The following KCNMA1 variants were observed in gnomAD, a reference collection of about 807,000 sequenced individuals.
The protein encoded by KCNMA1 is Calcium-activated potassium channel subunit alpha-1.
KCNMA1 carries 29 observed loss-of-function variants against 140.0 expected under a neutral mutation model. The observed-to-expected ratio is 0.21, with a 90% CI of 0.15 to 0.28. The LOEUF is 0.28. KCNMA1 is among the 10% of genes least tolerant of loss of function. KCNMA1 has a pLI of 1.00. For missense variants in KCNMA1, 880 were observed against 1,602.2 expected (o/e 0.55, Z 7.70); for synonymous variants, 612 against 611.9 (o/e 1.00, Z 0.00).
At chr10:77,265,074 C>A (rs1235689192) in intron 2 of KCNMA1, among the ~76,000 whole-genome samples, 2 of 151,000 alleles carry the variant, frequency 1.3e-5, no homozygotes, top group African/African-American at 4.9e-5. Flanking sequence ...TTTCCTGAGA[C>A]AGGGTTTCAC....
chr10:77,563,697 C>T (rs1227731733), intron 1 of KCNMA1, among the ~76,000 whole-genome samples: 4 of 152,198 alleles, frequency 2.6e-5, no homozygotes, highest in Non-Finnish European at 4.4e-5. Context: ...AACGAACCTC[C>T]GGAATTCTAG....
At chr10:76,925,733 T>TG (rs1264982424) in intron 23 of KCNMA1, among the ~76,000 whole-genome samples, 2 of 152,192 alleles carry the variant, frequency 1.3e-5, no homozygotes, top group Non-Finnish European at 2.9e-5. Context: ...AAATGCCAAA[T>TG]GGGCCCCAGT....
intron 1 of KCNMA1, among the ~76,000 whole-genome samples, chr10:77,478,642 G>A (rs1425659086): frequency 6.6e-6 from 1 of 152,182 alleles, no homozygotes; most frequent in East Asian, 1.9e-4. Flanking sequence ...AACTCTACAT[G>A]TGAGGTATTT....
intron 2 of KCNMA1, among the ~76,000 whole-genome samples, chr10:77,270,446 C>A (rs997102411): frequency 2.0e-5 from 3 of 151,986 alleles, no homozygotes; most frequent in Admixed American, 1.3e-4. Flanking sequence ...CAAAACACAG[C>A]CGTTATTTCC....
intron 20 of KCNMA1, among the ~76,000 whole-genome samples, chr10:76,962,574 T>C (rs1349257063): frequency 6.6e-6 from 1 of 152,214 alleles, no homozygotes; most frequent in Non-Finnish European, 1.5e-5. Flanking sequence ...GACTTCACAG[T>C]TTGGCTCAAG....
chr10:76,887,042 A>G lies in KCNMA1; in HGVS notation c.*224T>C. On this transcript the variant is annotated 3_prime_UTR_variant, in exon 28 of 28. Transcript: ENST00000286628. ...TTTGGGTTATTTTTCCCCCAGAATC[A>G]TAAATAACTTTTGGTCCGTCTGCTT... The G allele has an allele frequency of 2.3e-5, 33 of 1,432,236 alleles. No homozygotes were observed. Among genetic ancestry groups the G allele is most frequent in the Non-Finnish European group, 3.0e-5 (33 of 1,090,430 alleles). The allele number at this position is 1,432,236 out of a possible 1,614,324, so 88.7% of individuals were successfully genotyped here.
At chr10:77,128,751 T>A (rs1400968715) in intron 5 of KCNMA1, among the ~76,000 whole-genome samples, 3 of 152,180 alleles carry the variant, frequency 2.0e-5, no homozygotes, top group Non-Finnish European at 4.4e-5. Flanking sequence ...CAGTAAAATG[T>A]TATTCATATA....
At chr10:77,263,850 G>A (rs922994909) in intron 2 of KCNMA1, among the ~76,000 whole-genome samples, 2 of 152,102 alleles carry the variant, frequency 1.3e-5, no homozygotes, top group African/African-American at 4.8e-5. Context: ...GGCTTGCTAA[G>A]AATGATACTA....
At chr10:77,171,950 T>G (rs1483082325) in intron 5 of KCNMA1, among the ~76,000 whole-genome samples, 1 of 152,174 alleles carries the variant, frequency 6.6e-6, no homozygotes, top group African/African-American at 2.4e-5. Flanking sequence ...ACACTCCAAT[T>G]AAGTTATTAA....
chr10:77,027,125 C>G (rs145589412), intron 16 of KCNMA1, among the ~76,000 whole-genome samples: 14 of 152,296 alleles, frequency 9.2e-5, no homozygotes, highest in African/African-American at 3.4e-4. Flanking sequence ...GTAAGGTGTA[C>G]AGTACTCCAT....
intron 2 of KCNMA1, among the ~76,000 whole-genome samples, chr10:77,348,661 A>G (rs1359110939): frequency 1.3e-5 from 2 of 152,250 alleles, no homozygotes; most frequent in African/African-American, 4.8e-5. Context: ...CACAGGATCC[A>G]GAAATATATT....
chr10:77,030,363 G>GT (rs979200338), intron 15 of KCNMA1, among the ~76,000 whole-genome samples: 2 of 152,212 alleles, frequency 1.3e-5, no homozygotes, highest in African/African-American at 2.4e-5. Context: ...AGCTTAAATT[G>GT]TTTTTTTAAA....
intron 1 of KCNMA1, among the ~76,000 whole-genome samples, chr10:77,576,919 A>G (rs1392540195): frequency 6.6e-6 from 1 of 152,208 alleles, no homozygotes; most frequent in Non-Finnish European, 1.5e-5. Flanking sequence ...ACTGTGTGAA[A>G]TGCTCTGCAA....
chr10:77,506,571 T>G (rs1166267845), intron 1 of KCNMA1, among the ~76,000 whole-genome samples: 20 of 78,096 alleles, frequency 2.6e-4, no homozygotes, highest in East Asian at 1.4e-3. Context: ...GAGATGTTCC[T>G]AGAGAGAGAG....
chr10:77,359,109 G>A (rs2093733261), intron 2 of KCNMA1, among the ~76,000 whole-genome samples: 1 of 152,192 alleles, frequency 6.6e-6, no homozygotes, highest in East Asian at 1.9e-4. Flanking sequence ...TCACACCCAG[G>A]AGGAGGAATA....
At chr10:77,056,465 T>G (rs2095544999) in intron 14 of KCNMA1, among the ~76,000 whole-genome samples, 1 of 151,676 alleles carries the variant, frequency 6.6e-6, no homozygotes, top group South Asian at 2.1e-4. Context: ...TTATCAACAT[T>G]CTTACAAAAT....
At chr10:77,303,205 C>T (rs1326705408) in intron 2 of KCNMA1, among the ~76,000 whole-genome samples, 3 of 152,174 alleles carry the variant, frequency 2.0e-5, no homozygotes, top group African/African-American at 4.8e-5. Context: ...ATATTGACTC[C>T]ACCAGTACTG....
intron 3 of KCNMA1, among the ~76,000 whole-genome samples, chr10:77,213,847 C>G (rs867968718): frequency 6.6e-6 from 1 of 152,294 alleles, no homozygotes; most frequent in African/African-American, 2.4e-5. Context: ...TCAACAGCAA[C>G]CTCTCATCCT....
intron 19 of KCNMA1, among the ~76,000 whole-genome samples, chr10:76,999,450 G>A (rs2085468243): frequency 1.3e-5 from 2 of 152,158 alleles, no homozygotes; most frequent in Admixed American, 1.3e-4. Flanking sequence ...TAACCCGGGG[G>A]CTTGTGGTTA....
Sources: gnomAD v4.1 joint callset for allele counts (sites outside exome capture counted in the v4.1 genomes callset) on GRCh38, gnomAD v4.1.1 for gene constraint, MANE v1.5 for transcripts, NCBI Gene and HGNC (gene_info 2026-07-23, HGNC 2026-07-21) for gene names.